The following PHF14 variants were observed in gnomAD, a reference collection of about 807,000 sequenced individuals.
The protein encoded by PHF14 is PHD finger protein 14.
In PHF14, 55 loss-of-function variants were observed where a neutral mutation model predicts 117.9. That is an observed-to-expected ratio of 0.47 (90% CI 0.38 to 0.58). The LOEUF (loss-of-function observed/expected upper bound fraction) is 0.58, where lower values mean the gene tolerates loss of function less well. PHF14 is among the 20% of genes least tolerant of loss of function. PHF14 has a pLI of 0.00. For missense variants in PHF14, 978 were observed against 1,122.2 expected (o/e 0.87, Z 1.84); for synonymous variants, 409 against 368.6 (o/e 1.11, Z -1.26).
At chr7:11,119,714 A>G (rs1787695813) in intron 17 of PHF14, among the ~76,000 whole-genome samples, 1 of 152,046 alleles carries the variant, frequency 6.6e-6, no homozygotes, top group Middle Eastern at 3.4e-3. Context: ...GTTAAAAAAT[A>G]TTGTTTCCAA....
chr7:11,040,836 T>C lies in PHF14; in HGVS notation c.2180+61T>C, dbSNP rs1468258202. 5 of 748,088 alleles carry C rather than the reference T, an allele frequency of 6.7e-6. No individual in the cohort carries two copies. The South Asian group carries it at 7.9e-5, about 12-fold the overall frequency. The allele number at this position is 748,088 out of a possible 1,614,324, so 46.3% of individuals were successfully genotyped here. ...GTGTATTTTTTTAAACTGATACTTA[T>C]TAGAAAGAAGATCCTGCAAATATTT... On this transcript the variant is annotated intron_variant, in intron 12 of 17. Transcript: ENST00000634607.
At chr7:11,063,963 G>A (rs1785332964) in intron 16 of PHF14, among the ~76,000 whole-genome samples, 1 of 151,834 alleles carries the variant, frequency 6.6e-6, no homozygotes, top group Non-Finnish European at 1.5e-5. Flanking sequence ...TAATGGATAT[G>A]CAAAGTCCCC....
At chr7:11,159,469 G>GT (rs962728079) in intron 17 of PHF14, among the ~76,000 whole-genome samples, 11 of 151,500 alleles carry the variant, frequency 7.3e-5, no homozygotes, top group African/African-American at 2.2e-4. Flanking sequence ...TTATTTTTCT[G>GT]TTTTTTTCTG....
chr7:11,101,013 A>G (rs1373751346), intron 16 of PHF14, among the ~76,000 whole-genome samples: 1 of 151,958 alleles, frequency 6.6e-6, no homozygotes, highest in Non-Finnish European at 1.5e-5. Context: ...TTTGTTTACT[A>G]GTTGCATATG....
intron 17 of PHF14, among the ~76,000 whole-genome samples, chr7:11,118,704 A>G (rs143315896): frequency 7.4e-4 from 113 of 151,946 alleles, no homozygotes; most frequent in African/African-American, 2.3e-3. Flanking sequence ...TCAGTAAAAC[A>G]TAGATTGTTT....
chr7:11,112,655 C>T (rs567870767), intron 17 of PHF14, among the ~76,000 whole-genome samples: 4 of 151,970 alleles, frequency 2.6e-5, no homozygotes, highest in African/African-American at 9.7e-5. Flanking sequence ...CCTCTAATCC[C>T]AGCTACTTGG....
chr7:11,020,690 T>TA lies in PHF14; in HGVS notation c.1206-2178_1206-2177insA, dbSNP rs988121714. Among the ~76,000 whole-genome samples, 22 of 152,214 alleles carry TA rather than the reference T, an allele frequency of 1.4e-4. 1 individual carries two copies. Among genetic ancestry groups the TA allele is most frequent in the African/African-American group, 5.3e-4 (22 of 41,490 alleles). On this transcript the variant is annotated intron_variant, in intron 5 of 17. Coordinates refer to ENST00000634607, the MANE Select transcript of PHF14 (RefSeq NM_001007157.2). ...CACTGTGCCTGACCACTTCTTTCTT[T>TA]TTTTTTCTTTAAAATTCTAGATTTA...
intron 17 of PHF14, among the ~76,000 whole-genome samples, chr7:11,129,226 G>C (rs985937678): frequency 3.9e-5 from 6 of 152,000 alleles, no homozygotes; most frequent in Non-Finnish European, 8.8e-5. Context: ...TTTTGCCTTA[G>C]AGGCCCAAGG....
intron 14 of PHF14, 91 bp downstream of exon 14, chr7:11,051,871 G>A (rs1232600975): frequency 1.9e-6 from 2 of 1,030,816 alleles, no homozygotes; most frequent in Non-Finnish European, 2.8e-6. Flanking sequence ...CATATACTCA[G>A]AAGTCAAAGA....
intron 14 of PHF14, among the ~76,000 whole-genome samples, chr7:11,053,858 C>T (rs1414589444): frequency 1.3e-5 from 2 of 151,842 alleles, no homozygotes; most frequent in Non-Finnish European, 2.9e-5. Context: ...TAATCCCATT[C>T]CTTTCATCTT....
At position 11,048,410 on chromosome 7, in the gene PHF14, A is replaced by G. The variant is rs943495962; in HGVS notation, c.2313-3202A>G. On this transcript the variant is annotated intron_variant, in intron 13 of 17. Coordinates refer to ENST00000634607, the MANE Select transcript of PHF14 (RefSeq NM_001007157.2). ...AACATGGTGAAACCCCATCTGTACT[A>G]AAAATACAAAAATTAGCCAGGCATG... Among the ~76,000 whole-genome samples, 14 of 152,072 alleles carry G rather than the reference A, an allele frequency of 9.2e-5. 1 individual carries two copies. The highest frequency in any genetic ancestry group is 2.4e-5 in the African/African-American group (1 of 41,410).
At chr7:11,104,929 C>CT in intron 16 of PHF14, 1 of 970,244 alleles carries the variant, frequency 1.0e-6, no homozygotes, top group Non-Finnish European at 1.2e-6. Context: ...AAGGAATGTG[C>CT]TTTTAACATC....
chr7:11,004,763 C>T (rs749569642), intron 4 of PHF14, among the ~76,000 whole-genome samples: 29 of 150,062 alleles, frequency 1.9e-4, no homozygotes, highest in African/African-American at 6.9e-4. Flanking sequence ...TGGCTGGGTG[C>T]GGTGGCTCAT....
chr7:10,984,490 C>T (rs1327682254), intron 3 of PHF14, among the ~76,000 whole-genome samples: 1 of 152,092 alleles, frequency 6.6e-6, no homozygotes, highest in Admixed American at 6.5e-5. Context: ...CTTAAACAGG[C>T]ATGGAAAAAT....
intron 3 of PHF14, among the ~76,000 whole-genome samples, chr7:10,986,266 G>T (rs1653189832): frequency 6.6e-6 from 1 of 151,434 alleles, no homozygotes; most frequent in Admixed American, 6.6e-5. Context: ...TTACAGGTGT[G>T]AGCCACCACA....
At chr7:10,975,149 GCAGT>G (rs1161196694) in intron 2 of PHF14, among the ~76,000 whole-genome samples, 3 of 152,176 alleles carry the variant, frequency 2.0e-5, no homozygotes, top group Non-Finnish European at 4.4e-5. Context: ...GAGATAATTA[GCAGT>G]CAGGGGAAGG....
At chr7:11,136,966 C>G (rs537587271) in intron 17 of PHF14, among the ~76,000 whole-genome samples, 3 of 152,142 alleles carry the variant, frequency 2.0e-5, no homozygotes, top group African/African-American at 7.2e-5. Context: ...AAGAAATAAC[C>G]ACTACTAACA....
At chr7:11,013,656 C>T in intron 4 of PHF14, 91 bp from the exon 5 acceptor site, 16 of 616,166 alleles carry the variant, frequency 2.6e-5, no homozygotes, top group Middle Eastern at 3.0e-4. Context: ...TATCTTTTTC[C>T]TCATCTCTTT....
In PHF14 at chr7:11,028,861, A is replaced by G. The variant is rs752360507; in HGVS notation, c.1455+43A>G. The G allele has an allele frequency of 5.2e-6, 8 of 1,550,252 alleles. No homozygotes were observed. The Admixed American group carries it at 1.2e-4, about 23-fold the overall frequency. On this transcript the variant is annotated intron_variant, in intron 7 of 17. Coordinates refer to ENST00000634607, the MANE Select transcript of PHF14 (RefSeq NM_001007157.2). ...CATAGTTGGTGAACATGTTCACAAG[A>G]TATCTTTTGACTCTATGTCCTATAA...
Sources: allele counts gnomAD v4.1 joint callset (sites outside exome capture counted in the v4.1 genomes callset), GRCh38; gene constraint gnomAD v4.1.1; transcripts MANE v1.5; gene names NCBI Gene and HGNC (gene_info 2026-07-23, HGNC 2026-07-21).